The following PTPRD variants were observed in gnomAD, a reference collection of about 807,000 sequenced individuals.
PTPRD encodes the protein protein tyrosine phosphatase receptor type D.
A neutral mutation model predicts 214.5 loss-of-function variants in PTPRD; 34 were observed. The ratio of observed to expected loss-of-function variants is 0.16; its 90% CI spans 0.12 to 0.21. The LOEUF (loss-of-function observed/expected upper bound fraction) is 0.21. PTPRD is among the 10% of genes least tolerant of loss of function. The pLI is 1.00. For missense variants in PTPRD, 2,545 were observed against 2,398.7 expected (o/e 1.06, Z -1.27); for synonymous variants, 1,128 against 845.7 (o/e 1.33, Z -5.79).
chr9:8,531,373 G>A (rs929030793), intron 14 of PTPRD, among the ~76,000 whole-genome samples: 13 of 152,030 alleles, frequency 8.6e-5, no homozygotes, highest in African/African-American at 2.9e-4. Context: ...TTCTGATGTT[G>A]CTGGGGGGAA....
intron 2 of PTPRD, among the ~76,000 whole-genome samples, chr9:10,531,488 A>G (rs2056298030): frequency 6.6e-6 from 1 of 152,220 alleles, no homozygotes; most frequent in African/African-American, 2.4e-5. Context: ...AGCATATTAA[A>G]TAATGAAGTA....
At chr9:9,741,148 T>C (rs961018899) in intron 6 of PTPRD, among the ~76,000 whole-genome samples, 5 of 152,172 alleles carry the variant, frequency 3.3e-5, no homozygotes, top group African/African-American at 1.2e-4. Flanking sequence ...TGTAAATGTA[T>C]TGAGTTTGAA....
chr9:9,919,500 AT>A (rs2081946289), intron 5 of PTPRD, among the ~76,000 whole-genome samples: 1 of 152,112 alleles, frequency 6.6e-6, no homozygotes, highest in Non-Finnish European at 1.5e-5. Context: ...CATGTGCCGC[AT>A]TCGGATAATT....
chr9:8,337,418 C>T (rs893623782), intron 43 of PTPRD, among the ~76,000 whole-genome samples: 2 of 151,780 alleles, frequency 1.3e-5, no homozygotes, highest in African/African-American at 2.4e-5. Flanking sequence ...CACGGACACA[C>T]GGAGGGGAAC....
intron 14 of PTPRD, among the ~76,000 whole-genome samples, chr9:8,630,960 A>G (rs1651551172): frequency 6.6e-6 from 1 of 151,958 alleles, no homozygotes; most frequent in East Asian, 1.9e-4. Context: ...AACGTTTCTG[A>G]TAAGTTTTAT....
intron 5 of PTPRD, among the ~76,000 whole-genome samples, chr9:9,849,715 C>G (rs1340402826): frequency 6.6e-6 from 1 of 152,036 alleles, no homozygotes; most frequent in Non-Finnish European, 1.5e-5. Flanking sequence ...TGAATCAGTG[C>G]TAAGGAAATA....
At chr9:9,934,910 G>A (rs1407499067) in intron 5 of PTPRD, among the ~76,000 whole-genome samples, 1 of 152,134 alleles carries the variant, frequency 6.6e-6, no homozygotes, top group Non-Finnish European at 1.5e-5. Context: ...TGGGATGCAA[G>A]GCTGGTTCAA....
intron 9 of PTPRD, among the ~76,000 whole-genome samples, chr9:9,310,129 A>G (rs961937998): frequency 2.6e-5 from 4 of 152,168 alleles, no homozygotes; most frequent in African/African-American, 7.2e-5. Context: ...CAGACTGTGT[A>G]TACTAAGGCA....
chr9:9,626,089 G>C (rs547583199), intron 7 of PTPRD, among the ~76,000 whole-genome samples: 2 of 152,244 alleles, frequency 1.3e-5, no homozygotes, highest in Admixed American at 6.5e-5. Flanking sequence ...ACTGAATTAG[G>C]TCTACGAGCC....
intron 10 of PTPRD, among the ~76,000 whole-genome samples, chr9:9,083,867 C>T (rs2099762827): frequency 6.6e-6 from 1 of 152,136 alleles, no homozygotes; most frequent in Non-Finnish European, 1.5e-5. Flanking sequence ...CATCTCACAC[C>T]AGTTAGAATG....
At chr9:9,362,113 G>A (rs1002863834) in intron 9 of PTPRD, among the ~76,000 whole-genome samples, 2 of 151,004 alleles carry the variant, frequency 1.3e-5, no homozygotes, top group African/African-American at 4.8e-5. Flanking sequence ...ATTCCCACTT[G>A]GAAAACCATT....
At chr9:8,886,997 C>A (rs1348983292) in intron 11 of PTPRD, among the ~76,000 whole-genome samples, 1 of 152,156 alleles carries the variant, frequency 6.6e-6, no homozygotes, top group Admixed American at 6.5e-5. Context: ...GGACATTGGG[C>A]TAAGCATTTA....
intron 10 of PTPRD, among the ~76,000 whole-genome samples, chr9:9,158,835 C>A (rs1468199215): frequency 6.6e-6 from 1 of 152,022 alleles, no homozygotes; most frequent in Non-Finnish European, 1.5e-5. Context: ...CTGAATTCAA[C>A]AACACATTAA....
At position 9,815,247 on chromosome 9, in the gene PTPRD, G is replaced by A. The variant is rs147123333; in HGVS notation, c.-367-48396C>T. On this transcript the variant is annotated intron_variant, in intron 5 of 45. Coordinates refer to ENST00000381196, the MANE Select transcript of PTPRD (RefSeq NM_002839.4). The stretch of plus-strand genomic sequence containing the variant: ...AGGTCGGCTAATCTTTGATGAGAGT[G>A]CCAAGGATTCACAATGGAGAAAGGA... Among the ~76,000 whole-genome samples, 462 of 152,208 alleles carry A rather than the reference G, an allele frequency of 3.0e-3. 4 individuals are homozygous for A. Among genetic ancestry groups the A allele is most frequent in the African/African-American group, 0.01 (436 of 41,534 alleles).
chr9:8,395,338 A>G (rs2090832668), intron 36 of PTPRD, among the ~76,000 whole-genome samples: 1 of 152,154 alleles, frequency 6.6e-6, no homozygotes, highest in South Asian at 2.1e-4. Flanking sequence ...CAATGTGGCA[A>G]AAATGTTTAC....
chr9:10,142,064 T>C (rs2098989479), intron 3 of PTPRD, among the ~76,000 whole-genome samples: 1 of 151,920 alleles, frequency 6.6e-6, no homozygotes, highest in Non-Finnish European at 1.5e-5. Context: ...GAAAACTGGC[T>C]AGCCATATGT....
intron 7 of PTPRD, among the ~76,000 whole-genome samples, chr9:9,582,190 A>C (rs1196644939): frequency 6.6e-6 from 1 of 152,118 alleles, no homozygotes; most frequent in Non-Finnish European, 1.5e-5. Context: ...GACCACTTGG[A>C]ATAAGACAAC....
chr9:10,612,208 C>CAAAAAAAAAAAAAAAAAAAAAAAAAAAA (rs35311745), intron 2 of PTPRD, among the ~76,000 whole-genome samples, 190 bp downstream of exon 2: 1 of 126,762 alleles, frequency 7.9e-6, no homozygotes. Flanking sequence ...AGGGCTCTTC[C>CAAAAAAAAAAAAAAAAAAAAAAAAAAAA]AAAAAAAAAA....
At chr9:8,931,455 G>A (rs1017283033) in intron 11 of PTPRD, among the ~76,000 whole-genome samples, 1 of 152,056 alleles carries the variant, frequency 6.6e-6, no homozygotes, top group Non-Finnish European at 1.5e-5. Flanking sequence ...GCTCTTTTTT[G>A]GTTCCGTATG....
Sources: allele counts gnomAD v4.1 joint callset (sites outside exome capture counted in the v4.1 genomes callset), GRCh38; gene constraint gnomAD v4.1.1; transcripts MANE v1.5; gene names NCBI Gene and HGNC (gene_info 2026-07-23, HGNC 2026-07-21).